Variants in CDK5RAP2 observed in about 807,000 individuals in gnomAD.
CDK5RAP2 encodes CDK5 regulatory subunit associated protein 2.
Under a neutral mutation model 232.9 loss-of-function variants are expected in CDK5RAP2, and 147 were observed. The observed-to-expected ratio is 0.63, with a 90% CI of 0.55 to 0.72. The LOEUF (loss-of-function observed/expected upper bound fraction) is 0.72, where lower values mean the gene tolerates loss of function less well. CDK5RAP2 is among the 30% of genes least tolerant of loss of function. The pLI is 0.00. For missense variants in CDK5RAP2, 2,195 were observed against 2,231.5 expected, an observed-to-expected ratio of 0.98 and a Z score of 0.33; for synonymous variants, 833 against 833.7, an observed-to-expected ratio of 1.00 and a Z score of 0.01.
intron 1 of CDK5RAP2, among the ~76,000 whole-genome samples, chr9:120,572,685 T>C (rs894417029): frequency 1.2e-4 from 19 of 152,200 alleles, no homozygotes; most frequent in South Asian, 6.2e-4. Flanking sequence ...GACACTACCC[T>C]GATCTATTCT....
chr9:120,559,556 C>A, intron 3 of CDK5RAP2, among the ~76,000 whole-genome samples: 2 of 142,368 alleles, frequency 1.4e-5, no homozygotes, highest in Non-Finnish European at 1.5e-5. Flanking sequence ...TACTTTTCCC[C>A]TTAAGAGAAA....
chr9:120,509,705 C>A (rs1337654836), intron 12 of CDK5RAP2, among the ~76,000 whole-genome samples: 2 of 152,136 alleles, frequency 1.3e-5, no homozygotes, highest in African/African-American at 4.8e-5. Context: ...AAGTATTATG[C>A]TAAGTGTCAC....
chr9:120,410,278 C>A (rs1293725042), intron 29 of CDK5RAP2, among the ~76,000 whole-genome samples: 1 of 152,188 alleles, frequency 6.6e-6, no homozygotes, highest in Non-Finnish European at 1.5e-5. Flanking sequence ...GCGCCAGACA[C>A]ATCATGCTGC....
Position 120,403,153 on chromosome 9 carries a change from G to A in CDK5RAP2, c.5042-82C>T. The A allele has an allele frequency of 3.4e-6, 5 of 1,486,914 alleles. No homozygotes were observed. Among genetic ancestry groups the A allele is most frequent in the Non-Finnish European group, 4.7e-6 (5 of 1,069,556 alleles). The allele number at this position is 1,486,914 out of a possible 1,614,324, so 92.1% of individuals were successfully genotyped here. On this transcript the variant is annotated intron_variant, in intron 33 of 37. Transcript: ENST00000349780. The surrounding 1 kb of genome is among the most constrained non-coding windows in gnomAD (Gnocchi z 4.2). ...ACGCTTATGATGTTGAAGCTAGCTA[G>A]GAGGGCTAGAAGAGGCCCTCGTGCC...
At chr9:120,443,030 G>A (rs2035986405) in intron 23 of CDK5RAP2, among the ~76,000 whole-genome samples, 1 of 152,072 alleles carries the variant, frequency 6.6e-6, no homozygotes, top group African/African-American at 2.4e-5. Context: ...ATGAGAACAT[G>A]AGTATTTGTT....
chr9:120,486,050 G>A (rs906161889), intron 14 of CDK5RAP2, among the ~76,000 whole-genome samples: 1 of 152,208 alleles, frequency 6.6e-6, no homozygotes, highest in East Asian at 1.9e-4. Context: ...GCTAGCATTG[G>A]TTGCTAATAT....
Position 120,447,989 on chromosome 9 carries a change from C to A in CDK5RAP2, c.2931G>T (p.Glu977Asp). 1 of 1,614,170 alleles carries A rather than the reference C, an allele frequency of 6.2e-7. No homozygotes were observed. The highest frequency in any genetic ancestry group is 8.5e-7 in the Non-Finnish European group (1 of 1,180,006). The change falls in exon 22 of 38, where the codon GAG becomes GAT. Residue 977 changes from glutamate (E) to aspartate (D), a missense_variant. Coordinates refer to ENST00000349780, the MANE Select transcript of CDK5RAP2 (RefSeq NM_018249.6). ...GAAGTTGCTTATTACAAGTTTTAAA[C>A]TCCTTCAGCTCCCCCTGCAGCTCCA... ...QILELQGELK[E>D]FKTCNKQLHQ... is the part of the protein sequence containing the mutation.
intron 2 of CDK5RAP2, among the ~76,000 whole-genome samples, chr9:120,570,315 C>A (rs759668488): frequency 6.6e-6 from 1 of 152,150 alleles, no homozygotes; most frequent in Non-Finnish European, 1.5e-5. Flanking sequence ...GGTCTCCGCT[C>A]CAATATCAAT....
At chr9:120,540,338 T>C (rs1356710350) in intron 5 of CDK5RAP2, among the ~76,000 whole-genome samples, 1 of 152,052 alleles carries the variant, frequency 6.6e-6, no homozygotes, top group Non-Finnish European at 1.5e-5. Context: ...ACAGAACAAA[T>C]CTATTCACCA....
chr9:120,468,186 G>T (rs903669519), intron 17 of CDK5RAP2, among the ~76,000 whole-genome samples, 189 bp from the exon 18 acceptor site: 2 of 152,198 alleles, frequency 1.3e-5, no homozygotes, highest in African/African-American at 4.8e-5. Context: ...TGGCATAACA[G>T]TATTTTAATC....
rs1007492963 is a variant in CDK5RAP2 at position 120,477,343 on chromosome 9, C to T, written c.1727+7G>A. 1.1e-5 allele frequency: 18 copies of T among 1,602,022 alleles called. No individual in the cohort carries two copies. The highest frequency in any genetic ancestry group is 5.5e-5 in the South Asian group (5 of 90,854). On this transcript the variant is annotated splice_region_variant and intron_variant, in intron 15 of 37. Coordinates refer to ENST00000349780, the MANE Select transcript of CDK5RAP2 (RefSeq NM_018249.6). ...CACATGTGTGATGTCCAGACAGAAA[C>T]GCTTACCTGTCTGATTCCTGCAGAG...
In CDK5RAP2 at chr9:120,497,421, TAAAAAAAAAAAAAAA is replaced by T. The variant is rs71385064; in HGVS notation, c.1312-5959_1312-5945del. On this transcript the variant is annotated intron_variant, in intron 12 of 37. Transcript: ENST00000349780. ...AGAATTATCAATAAAAAAATAAATT[TAAAAAAAAAAAAAAA>T]AAAAAAAAAAAAAAAAAAGAATCAT... Among the ~76,000 whole-genome samples the T allele has an allele frequency of 5.3e-3, 124 of 23,310 alleles. 7 individuals carry two copies. Among genetic ancestry groups the T allele is most frequent in the Middle Eastern group, 0.031 (1 of 32 alleles). 15.3% of individuals were successfully genotyped at this position (23,310 alleles called of 152,430 possible). A position where few individuals can be genotyped will look rare whatever the true frequency, so the allele number is the denominator to read the frequency against.
At chr9:120,413,797 G>A (rs1359035929) in intron 28 of CDK5RAP2, among the ~76,000 whole-genome samples, 3 of 149,976 alleles carry the variant, frequency 2.0e-5, no homozygotes, top group Non-Finnish European at 4.4e-5. Context: ...CAGGAAATGG[G>A]CGCAGTGAGC....
chr9:120,523,131 G>A (rs2040745868), intron 11 of CDK5RAP2, among the ~76,000 whole-genome samples: 1 of 152,180 alleles, frequency 6.6e-6, no homozygotes, highest in African/African-American at 2.4e-5. Flanking sequence ...TGATCTCTGT[G>A]TGCTGCAAGA....
At chr9:120,394,826 G>GA (rs1337265701) in intron 35 of CDK5RAP2, among the ~76,000 whole-genome samples, 188 bp from the exon 36 acceptor site, 2 of 152,192 alleles carry the variant, frequency 1.3e-5, no homozygotes, top group Admixed American at 6.5e-5. Context: ...AGGGTAAGGG[G>GA]AAAGCACCTC....
chr9:120,402,051 G>A (rs1035896757), intron 34 of CDK5RAP2, among the ~76,000 whole-genome samples: 20 of 152,228 alleles, frequency 1.3e-4, no homozygotes, highest in Admixed American at 7.8e-4. Context: ...CAACACTTTA[G>A]GAGGCCAAGG....
At chr9:120,446,513 A>G (rs1338983922) in intron 22 of CDK5RAP2, among the ~76,000 whole-genome samples, 1 of 152,164 alleles carries the variant, frequency 6.6e-6, no homozygotes, top group African/African-American at 2.4e-5. Flanking sequence ...TGTGTGAGAC[A>G]CCGCACTCGG....
At chr9:120,432,323 T>G (rs1476893940) in intron 25 of CDK5RAP2, among the ~76,000 whole-genome samples, 1 of 152,096 alleles carries the variant, frequency 6.6e-6, no homozygotes, top group Non-Finnish European at 1.5e-5. Context: ...ATAAAAAAGG[T>G]CTGGGCATAT....
Position 120,389,037 on chromosome 9 carries a change from C to A in CDK5RAP2, c.*199G>T. 2 of 607,650 alleles carry A rather than the reference C, an allele frequency of 3.3e-6. No homozygotes were observed. The highest frequency in any genetic ancestry group is 5.8e-6 in the Non-Finnish European group (2 of 343,080). The allele number at this position is 607,650 out of a possible 1,614,324, so 37.6% of individuals were successfully genotyped here. A position where few individuals can be genotyped will look rare whatever the true frequency, so the allele number is the denominator to read the frequency against. ...CATCCAAGAGCTCGAGGCCTTTTTA[C>A]CACCCGTTTGTGGAGCACCTGCACC... On this transcript the variant is annotated 3_prime_UTR_variant, in exon 38 of 38. Transcript: ENST00000349780.
Sources: allele counts gnomAD v4.1 joint callset (sites outside exome capture counted in the v4.1 genomes callset), GRCh38; gene constraint gnomAD v4.1.1; non-coding constraint Gnocchi (gnomAD v3.1); transcripts MANE v1.5; gene names NCBI Gene and HGNC (gene_info 2026-07-23, HGNC 2026-07-21).